CEP70: variants seen among roughly 807,000 people sequenced by gnomAD.
CEP70 encodes centrosomal protein 70, also known as centrosomal protein of 70 kDa.
In CEP70, 70 loss-of-function variants were observed where a neutral mutation model predicts 90.9. The ratio of observed to expected loss-of-function variants is 0.77; its 90% CI spans 0.64 to 0.94. CEP70 has a LOEUF of 0.94. CEP70 is among the 40% of genes least tolerant of loss of function. CEP70 has a pLI of 0.00. For missense variants in CEP70, 648 were observed against 669.0 expected, an observed-to-expected ratio of 0.97 and a Z score of 0.35; for synonymous variants, 220 against 228.3, an observed-to-expected ratio of 0.96 and a Z score of 0.33.
Position 138,520,416 on chromosome 3 carries a change from C to T in CEP70, c.944+5074G>A, listed in dbSNP as rs1161224362. 3.9e-5 allele frequency among the ~76,000 whole-genome samples: 6 copies of T among 152,090 alleles called. No homozygotes were observed. The East Asian group carries it at 5.8e-4, about 15-fold the overall frequency. On this transcript the variant is annotated intron_variant, in intron 11 of 17. Transcript: ENST00000264982. ...CACCACACCACACCTATTCCAAAATCGACCACATAGTTGGAAGTAAAGCAC... is the reference window on the plus strand; with the variant it reads ...CACCACACCACACCTATTCCAAAATTGACCACATAGTTGGAAGTAAAGCAC...
intron 3 of CEP70, 67 bp downstream of exon 3, chr3:138,572,792 G>A (rs905982302): frequency 9.5e-5 from 98 of 1,033,338 alleles, no homozygotes; most frequent in Non-Finnish European, 1.4e-4. Flanking sequence ...AAATTTTCCT[G>A]TTTGTAGATG....
chr3:138,585,733 C>T (rs1648552669), intron 2 of CEP70, among the ~76,000 whole-genome samples: 1 of 152,104 alleles, frequency 6.6e-6, no homozygotes, highest in South Asian at 2.1e-4. Flanking sequence ...AGAAACAAAT[C>T]CACATACTGA....
At chr3:138,507,298 G>A (rs1024663761) in intron 12 of CEP70, among the ~76,000 whole-genome samples, 2 of 152,072 alleles carry the variant, frequency 1.3e-5, no homozygotes, top group African/African-American at 4.8e-5. Context: ...CCTGATGAAA[G>A]TACATATTTC....
At chr3:138,567,182 A>G (rs1189875926) in intron 6 of CEP70, among the ~76,000 whole-genome samples, 1 of 152,210 alleles carries the variant, frequency 6.6e-6, no homozygotes, top group African/African-American at 2.4e-5. Context: ...ATATACCTCA[A>G]ACATTTGCAA....
At chr3:138,499,851 AC>A (rs1294089803) in intron 16 of CEP70, 1 of 354,784 alleles carries the variant, frequency 2.8e-6, no homozygotes, top group Non-Finnish European at 5.3e-6. Context: ...ACACACACAC[AC>A]AAAAGATGCT....
intron 2 of CEP70, among the ~76,000 whole-genome samples, chr3:138,576,034 T>A (rs532210260): frequency 6.6e-6 from 1 of 151,948 alleles, no homozygotes; most frequent in Non-Finnish European, 1.5e-5. Flanking sequence ...TAGGAAGAAA[T>A]TGCATCAACT....
chr3:138,514,469 G>A (rs939986170), intron 11 of CEP70, among the ~76,000 whole-genome samples: 3 of 151,556 alleles, frequency 2.0e-5, no homozygotes, highest in African/African-American at 2.4e-5. Context: ...TTTTTCCTAC[G>A]TTTGTAAAGA....
At chr3:138,578,305 C>T (rs949418428) in intron 2 of CEP70, among the ~76,000 whole-genome samples, 1 of 152,126 alleles carries the variant, frequency 6.6e-6, no homozygotes, top group African/African-American at 2.4e-5. Context: ...CTGCATGGTA[C>T]CAGCATCTGT....
At chr3:138,576,014 C>T (rs1210150859) in intron 2 of CEP70, among the ~76,000 whole-genome samples, 3 of 152,292 alleles carry the variant, frequency 2.0e-5, no homozygotes, top group South Asian at 4.1e-4. Flanking sequence ...ATTGTAAAGA[C>T]CATCAATGCT....
At chr3:138,528,073 C>T (rs1431249382) in intron 10 of CEP70, among the ~76,000 whole-genome samples, 2 of 139,678 alleles carry the variant, frequency 1.4e-5, no homozygotes, top group African/African-American at 5.3e-5. Context: ...GACACAGGGT[C>T]TCGCTCTGTC....
intron 16 of CEP70, among the ~76,000 whole-genome samples, chr3:138,499,542 T>C (rs890221641): frequency 3.3e-5 from 5 of 152,206 alleles, no homozygotes; most frequent in Admixed American, 2.0e-4. Context: ...TACCTGACCT[T>C]CTTTATAGGC....
Position 138,500,504 on chromosome 3 carries a change from C to G in CEP70, c.1432G>C (p.Asp478His), listed in dbSNP as rs138631490. The change falls in exon 15 of 18, where the codon GAT becomes CAT. Residue 478 changes from aspartate to histidine, a missense_variant. By Grantham distance (81) the Asp-to-His change is moderately conservative. Transcript: ENST00000264982. ...AIVSHFQKLF[D>H]VPSLNGVYPR... ...TAGACTCCATTTAAAGAAGGCACAT[C>G]AAATAACTTTTGGAAGTGAGAAACA... 2.1e-4 allele frequency: 341 copies of G among 1,612,552 alleles called. No homozygotes were observed. Among genetic ancestry groups the G allele is most frequent in the Non-Finnish European group, 2.8e-4 (326 of 1,179,624 alleles).
At chr3:138,574,053 T>C (rs1462878744) in intron 2 of CEP70, among the ~76,000 whole-genome samples, 1 of 152,062 alleles carries the variant, frequency 6.6e-6, no homozygotes, top group Non-Finnish European at 1.5e-5. Context: ...TTTCTGCGTT[T>C]CCAACTGAGG....
rs187012625 is a variant in CEP70 at position 138,587,601 on chromosome 3, T to C, written c.-6+4253A>G. Among the ~76,000 whole-genome samples the C allele has an allele frequency of 8.7e-5, 10 of 115,460 alleles. No individual in the cohort carries two copies. The South Asian group carries it at 1.5e-3, about 17-fold the overall frequency. The allele number at this position is 115,460 out of a possible 152,430, so 75.7% of individuals were successfully genotyped here. A position where few individuals can be genotyped will look rare whatever the true frequency, so the allele number is the denominator to read the frequency against. On this transcript the variant is annotated intron_variant, in intron 2 of 17. Coordinates refer to ENST00000264982, the MANE Select transcript of CEP70 (RefSeq NM_024491.4). ...GAATTCAAGACCAGACTGGGCAACA[T>C]AGCAAGACCCCATCTCTACAAAAAA...
At chr3:138,546,912 C>A (rs2039250894) in intron 6 of CEP70, among the ~76,000 whole-genome samples, 1 of 152,136 alleles carries the variant, frequency 6.6e-6, no homozygotes, top group Admixed American at 6.5e-5. Flanking sequence ...AGCACATGTT[C>A]ATGTGCCCAT....
chr3:138,498,438 C>T (rs2034151385), intron 16 of CEP70, among the ~76,000 whole-genome samples: 2 of 150,992 alleles, frequency 1.3e-5, no homozygotes, highest in Non-Finnish European at 2.9e-5. Context: ...CCCGGGTTCA[C>T]GCCATTCTCC....
chr3:138,521,912 T>C (rs1576625370), intron 11 of CEP70, among the ~76,000 whole-genome samples: 2 of 152,200 alleles, frequency 1.3e-5, no homozygotes, highest in Admixed American at 6.5e-5. Context: ...GAAGTAGACA[T>C]AGGAGACTCC....
chr3:138,594,099 G>C (rs2108309450), intron 1 of CEP70, 99 bp downstream of exon 1: 1 of 152,422 alleles, frequency 6.6e-6, no homozygotes, highest in South Asian at 2.1e-4. Flanking sequence ...CCCCGACAAG[G>C]GTCAGTCTGA....
chr3:138,572,978 G>T (rs1464060101), intron 2 of CEP70, 46 bp from the exon 3 acceptor site: 4 of 1,354,838 alleles, frequency 3.0e-6, no homozygotes, highest in South Asian at 1.2e-5. Flanking sequence ...TAAAAAATTT[G>T]AGTTGCCTAA....
Sources: allele counts gnomAD v4.1 joint callset (sites outside exome capture counted in the v4.1 genomes callset), GRCh38; gene constraint gnomAD v4.1.1; transcripts MANE v1.5; gene names NCBI Gene and HGNC (gene_info 2026-07-23, HGNC 2026-07-21).